NELL2: variants seen among roughly 807,000 people sequenced by gnomAD.
The protein encoded by NELL2 is neural EGFL like 2.
NELL2 carries 41 observed loss-of-function variants against 109.6 expected under a neutral mutation model. The observed-to-expected ratio is 0.37, with a 90% confidence interval of 0.29 to 0.49. The LOEUF is 0.49. Ranked by LOEUF, NELL2 falls within the 20% of genes least tolerant of loss-of-function variation. The pLI, the probability that NELL2 is intolerant of heterozygous loss-of-function variation, is 0.98. For missense variants in NELL2, 900 were observed against 1,008.3 expected (o/e 0.89, Z 1.45); for synonymous variants, 355 against 344.7 (o/e 1.03, Z -0.33).
chr12:44,909,742 GACAC>G (rs71435995), intron 1 of NELL2, among the ~76,000 whole-genome samples: 156 of 144,502 alleles, frequency 1.1e-3, no homozygotes, highest in Middle Eastern at 3.6e-3. Context: ...CACAGACACA[GACAC>G]ACACACACAC....
intron 2 of NELL2, among the ~76,000 whole-genome samples, chr12:44,856,048 T>C (rs1944674220): frequency 6.6e-6 from 1 of 152,194 alleles, no homozygotes; most frequent in Admixed American, 6.5e-5. Context: ...CTCAATTCAG[T>C]GCCACAAGTA....
intron 15 of NELL2, among the ~76,000 whole-genome samples, chr12:44,569,257 C>T (rs1445504624): frequency 1.3e-5 from 2 of 152,038 alleles, no homozygotes; most frequent in Non-Finnish European, 2.9e-5. Flanking sequence ...TATATATGTA[C>T]CACATTTTCC....
chr12:44,872,479 G>A (rs1945191651), intron 2 of NELL2, among the ~76,000 whole-genome samples: 1 of 151,860 alleles, frequency 6.6e-6, no homozygotes. Context: ...GTTTTTATTA[G>A]GTATAGATAA....
intron 12 of NELL2, among the ~76,000 whole-genome samples, chr12:44,684,937 C>T (rs1948662679): frequency 6.6e-6 from 1 of 152,122 alleles, no homozygotes; most frequent in Non-Finnish European, 1.5e-5. Flanking sequence ...ACCAGGTCTG[C>T]TTGGTGCAGA....
chr12:44,778,958 T>C (rs1326680668), intron 5 of NELL2, among the ~76,000 whole-genome samples: 2 of 152,186 alleles, frequency 1.3e-5, no homozygotes, highest in African/African-American at 4.8e-5. Flanking sequence ...AACTATCACT[T>C]ATCATTGTTT....
chr12:44,519,877 C>G, intron 19 of NELL2, 128 bp downstream of exon 19: 1 of 795,290 alleles, frequency 1.3e-6, no homozygotes, highest in Non-Finnish European at 2.0e-6. Flanking sequence ...ATTCCGCCCA[C>G]CTATGTTTGA....
intron 13 of NELL2, 71 bp downstream of exon 13, chr12:44,665,413 G>A: frequency 2.2e-6 from 3 of 1,358,248 alleles, no homozygotes; most frequent in East Asian, 2.5e-5. Context: ...AAAAAAATGA[G>A]AGTCAAAGAA....
intron 15 of NELL2, among the ~76,000 whole-genome samples, chr12:44,574,011 G>A (rs1262681665): frequency 2.0e-5 from 3 of 152,012 alleles, no homozygotes; most frequent in Non-Finnish European, 4.4e-5. Context: ...AACCTCCCTA[G>A]TTGTTTTCTT....
At chr12:44,778,323 G>A (rs1315994471) in intron 5 of NELL2, among the ~76,000 whole-genome samples, 1 of 152,164 alleles carries the variant, frequency 6.6e-6, no homozygotes, top group Non-Finnish European at 1.5e-5. Flanking sequence ...TATTTTTACT[G>A]TGTGGGTATT....
At chr12:44,785,012 G>C (rs1295531647) in intron 3 of NELL2, among the ~76,000 whole-genome samples, 1 of 152,114 alleles carries the variant, frequency 6.6e-6, no homozygotes, top group Non-Finnish European at 1.5e-5. Context: ...ATTCAACACC[G>C]TATTGGAAGT....
chr12:44,771,413 A>G (rs1941545399), intron 9 of NELL2, among the ~76,000 whole-genome samples: 1 of 152,266 alleles, frequency 6.6e-6, no homozygotes, highest in East Asian at 1.9e-4. Flanking sequence ...TGAGACCTCT[A>G]ACTAACTGCA....
intron 14 of NELL2, among the ~76,000 whole-genome samples, chr12:44,608,101 T>G (rs1290873946): frequency 2.6e-5 from 4 of 152,082 alleles, no homozygotes; most frequent in Non-Finnish European, 5.9e-5. Context: ...GAAGCTTTTA[T>G]TTCCACTTTG....
chr12:44,606,411 G>GAA (rs1159353892), intron 15 of NELL2, among the ~76,000 whole-genome samples: 1 of 152,086 alleles, frequency 6.6e-6, no homozygotes, highest in Non-Finnish European at 1.5e-5. Context: ...TTTCTTTTAG[G>GAA]AAGAATAACC....
rs950473629 is a variant in NELL2, at chr12:44,560,893, G to A, written c.1664-28172C>T. 5.3e-5 allele frequency among the ~76,000 whole-genome samples: 8 copies of A among 152,162 alleles called. No individual in the cohort carries two copies. In the South Asian group the frequency reaches 8.3e-4, roughly 16 times the overall value. ...ACACAACAAAAAAAGAAAATTTCAG[G>A]CCAATATCCCCAGTGAACCCGGATG... On this transcript the variant is annotated intron_variant, in intron 15 of 19. Coordinates refer to ENST00000429094, the MANE Select transcript of NELL2 (RefSeq NM_001145108.2).
intron 15 of NELL2, among the ~76,000 whole-genome samples, chr12:44,586,060 C>T (rs947171131): frequency 2.6e-5 from 4 of 151,840 alleles, no homozygotes; most frequent in African/African-American, 9.6e-5. Flanking sequence ...TTACTACTTA[C>T]TACAAGATGG....
chr12:44,549,321 G>A (rs956283962), intron 15 of NELL2, among the ~76,000 whole-genome samples: 4 of 152,090 alleles, frequency 2.6e-5, no homozygotes, highest in African/African-American at 9.7e-5. Flanking sequence ...AGCAGATGTG[G>A]CACTGCCAGT....
At chr12:44,606,017 C>T (rs191313401) in intron 15 of NELL2, among the ~76,000 whole-genome samples, 3 of 152,108 alleles carry the variant, frequency 2.0e-5, no homozygotes, top group African/African-American at 7.2e-5. Context: ...ATTTAGGGAG[C>T]TTCTGATTTA....
intron 9 of NELL2, among the ~76,000 whole-genome samples, chr12:44,740,089 C>T (rs967254717): frequency 6.6e-6 from 1 of 152,104 alleles, no homozygotes; most frequent in Admixed American, 6.5e-5. Context: ...CACTATTCCA[C>T]CCAAATTATT....
chr12:44,764,141 G>A (rs541539461), intron 9 of NELL2, among the ~76,000 whole-genome samples: 53 of 152,208 alleles, frequency 3.5e-4, no homozygotes, highest in African/African-American at 1.2e-3. Flanking sequence ...AGAAGAATTC[G>A]ACATTATCAC....
Sources: gnomAD v4.1 joint callset for allele counts (sites outside exome capture counted in the v4.1 genomes callset) on GRCh38, gnomAD v4.1.1 for gene constraint, MANE v1.5 for transcripts, NCBI Gene and HGNC (gene_info 2026-07-23, HGNC 2026-07-21) for gene names.